FBN2: variants seen among roughly 807,000 people sequenced by gnomAD.
The protein encoded by FBN2 is fibrillin-2.
Under a neutral mutation model 355.6 loss-of-function variants are expected in FBN2, and 105 were observed. The ratio of observed to expected loss-of-function variants is 0.30; its 90% confidence interval spans 0.25 to 0.35. The LOEUF is 0.35. Among genes scored for constraint, FBN2 ranks in the 10% least tolerant of loss-of-function variants. The pLI, the probability that FBN2 is intolerant of heterozygous loss-of-function variation, is 1.00. For missense variants in FBN2, 3,280 were observed against 3,758.7 expected (o/e 0.87, Z 3.33); for synonymous variants, 1,350 against 1,301.2 (o/e 1.04, Z -0.81).
chr5:128,488,055 T>C (rs1323515543), intron 5 of FBN2, among the ~76,000 whole-genome samples: 1 of 152,194 alleles, frequency 6.6e-6, no homozygotes, highest in Non-Finnish European at 1.5e-5. Context: ...AGAACACATA[T>C]ACTAAGCTAG....
At position 128,321,235 on chromosome 5, in the gene FBN2, A is replaced by G. The variant is rs981458901; in HGVS notation, c.4472-2234T>C. On this transcript the variant is annotated intron_variant, in intron 34 of 64. Coordinates refer to ENST00000262464, the MANE Select transcript of FBN2 (RefSeq NM_001999.4). ...ATAATATTTTTCACATTTCCTCAGA[A>G]TTCTGTGGGCATGGATCTAATGTCT... is the stretch of plus-strand genomic sequence containing the variant. Among the ~76,000 whole-genome samples the G allele has an allele frequency of 3.9e-5, 6 of 152,278 alleles. No individual in the cohort carries two copies. In the East Asian group the frequency reaches 1.2e-3, roughly 29 times the overall value.
At chr5:128,309,688 T>C (rs1278173363) in intron 40 of FBN2, among the ~76,000 whole-genome samples, 1 of 152,224 alleles carries the variant, frequency 6.6e-6, no homozygotes, top group East Asian at 1.9e-4. Context: ...AGCATTAAAA[T>C]TTAAATGTTC....
chr5:128,361,623 A>G, intron 19 of FBN2, 100 bp downstream of exon 19: 1 of 1,405,052 alleles, frequency 7.1e-7, no homozygotes, highest in Non-Finnish European at 1.0e-6. Context: ...AAATATTCAA[A>G]CAATATTCTT....
chr5:128,496,940 T>C (rs1755672402), intron 5 of FBN2, among the ~76,000 whole-genome samples: 1 of 152,060 alleles, frequency 6.6e-6, no homozygotes, highest in African/African-American at 2.4e-5. Context: ...CTGAAACAAC[T>C]CTATTACAAT....
intron 5 of FBN2, among the ~76,000 whole-genome samples, chr5:128,502,430 C>T (rs1481269761): frequency 6.6e-6 from 1 of 151,988 alleles, no homozygotes; most frequent in African/African-American, 2.4e-5. Context: ...ATCATATATA[C>T]AGAAATATGA....
At chr5:128,444,213 C>G (rs555504227) in intron 7 of FBN2, among the ~76,000 whole-genome samples, 240 of 151,838 alleles carry the variant, frequency 1.6e-3, no homozygotes, top group African/African-American at 5.4e-3. Context: ...GCTGGGACTA[C>G]AGGCGCCCGC....
Position 128,305,532 on chromosome 5 carries a change from A to G in FBN2, c.5653T>C (p.Ser1885Pro). The change falls in exon 44 of 65, where the codon TCA becomes CCA. Residue 1885 changes from serine (S) to proline (P), a missense_variant. Physicochemically the swap from Ser to Pro is moderately conservative, Grantham distance 74 (BLOSUM62 -1). This residue lies in a region of FBN2 where 2,284 missense variants were observed against 2,749.5 expected (regional missense o/e 0.83). Coordinates refer to ENST00000262464, the MANE Select transcript of FBN2 (RefSeq NM_001999.4). Reference protein sequence around the residue: ...RCECAAGFKLSPNGACVDRNE... With the variant: ...RCECAAGFKLPPNGACVDRNE... ...TTACCTACACAGGCCCCATTGGGTG[A>G]AAGTTTGAAACCCGCGGCACATTCA... The G allele has an allele frequency of 6.2e-7, 1 of 1,614,108 alleles. No homozygotes were observed. The highest frequency in any genetic ancestry group is 8.5e-7 in the Non-Finnish European group (1 of 1,179,978).
intron 5 of FBN2, among the ~76,000 whole-genome samples, chr5:128,498,673 A>G (rs775380935): frequency 5.4e-4 from 82 of 152,372 alleles, no homozygotes; most frequent in Non-Finnish European, 9.0e-4. Flanking sequence ...TAGAAAATAC[A>G]TAACTGTGAA....
chr5:128,473,319 T>C (rs1008203273), intron 5 of FBN2, among the ~76,000 whole-genome samples: 1 of 152,218 alleles, frequency 6.6e-6, no homozygotes, highest in Non-Finnish European at 1.5e-5. Context: ...AAAAACAATA[T>C]CTTCTTGTTG....
At chr5:128,338,783 C>T (rs1490489364) in intron 26 of FBN2, 150 bp downstream of exon 26, 2 of 915,254 alleles carry the variant, frequency 2.2e-6, no homozygotes, top group Non-Finnish European at 3.4e-6. Flanking sequence ...GAGCGCATTT[C>T]CTGTCTGACA....
intron 7 of FBN2, among the ~76,000 whole-genome samples, chr5:128,431,285 G>A (rs2127030913): frequency 6.6e-6 from 1 of 152,244 alleles, no homozygotes; most frequent in Admixed American, 6.5e-5. Flanking sequence ...CTTACTTTAA[G>A]AATTAAAATC....
At chr5:128,441,182 A>T (rs1753909289) in intron 7 of FBN2, among the ~76,000 whole-genome samples, 1 of 152,198 alleles carries the variant, frequency 6.6e-6, no homozygotes, top group Non-Finnish European at 1.5e-5. Context: ...TAATCTCTAC[A>T]GCCAGTGCCA....
chr5:128,336,203 AG>A, intron 27 of FBN2, 90 bp from the exon 28 acceptor site: 2 of 1,316,988 alleles, frequency 1.5e-6, no homozygotes, highest in Non-Finnish European at 2.2e-6. Context: ...TGGTCTCCAA[AG>A]GGGTTTGTGT....
intron 5 of FBN2, among the ~76,000 whole-genome samples, chr5:128,478,396 A>G (rs1755061514): frequency 6.6e-6 from 1 of 152,230 alleles, no homozygotes; most frequent in South Asian, 2.1e-4. Context: ...GCATTTTCAG[A>G]AATGTATTGT....
At chr5:128,411,984 C>G (rs1753081521) in intron 7 of FBN2, among the ~76,000 whole-genome samples, 1 of 152,138 alleles carries the variant, frequency 6.6e-6, no homozygotes, top group South Asian at 2.1e-4. Flanking sequence ...TATGTATAAA[C>G]AAGTGTGCCT....
rs139373587 is a variant in FBN2, at chr5:128,471,573, G to A, written c.629-6652C>T. 6.7e-3 allele frequency among the ~76,000 whole-genome samples: 1,023 copies of A among 152,100 alleles called. 11 individuals carry two copies. Among genetic ancestry groups the A allele is most frequent in the African/African-American group, 0.023 (937 of 41,510 alleles). ...TTAAATTAATATTTTTATTTTAAGA[G>A]ATCTGTGCAAATATTATGTACCTGT... On this transcript the variant is annotated intron_variant, in intron 5 of 64. Transcript: ENST00000262464.
intron 62 of FBN2, among the ~76,000 whole-genome samples, chr5:128,270,297 C>T (rs555678798): frequency 5.3e-5 from 8 of 152,194 alleles, no homozygotes; most frequent in South Asian, 2.1e-4. Flanking sequence ...GAGGCTGAGG[C>T]GGGTGGATCA....
chr5:128,288,979 TG>T, intron 52 of FBN2, 147 bp downstream of exon 52: 3 of 790,930 alleles, frequency 3.8e-6, no homozygotes, highest in Non-Finnish European at 6.4e-6. Flanking sequence ...GACTGGAAAA[TG>T]TAAGACTGGT....
intron 5 of FBN2, among the ~76,000 whole-genome samples, chr5:128,490,433 T>G (rs1349884095): frequency 6.6e-6 from 1 of 152,202 alleles, no homozygotes; most frequent in Non-Finnish European, 1.5e-5. Context: ...ATAGCCAACC[T>G]GTTCCTCAAA....
Sources: allele counts gnomAD v4.1 joint callset (sites outside exome capture counted in the v4.1 genomes callset), GRCh38; gene constraint gnomAD v4.1.1; regional missense constraint gnomAD v4.1.1; transcripts MANE v1.5; gene names NCBI Gene and HGNC (gene_info 2026-07-23, HGNC 2026-07-21).